The following CSTPP1 variants were observed in gnomAD, a reference collection of about 807,000 sequenced individuals.
The protein encoded by CSTPP1 is UPF0705 protein C11orf49.
At chr11:46,967,257 C>A in the CSTPP1 span, among the ~76,000 whole-genome samples, 2 of 152,070 alleles carry the variant, frequency 1.3e-5, no homozygotes, top group African/African-American at 4.8e-5. Context: ...AGGAAAGGTT[C>A]ATTTTTTTGT....
the CSTPP1 span, among the ~76,000 whole-genome samples, chr11:47,102,180 A>C: frequency 6.6e-6 from 1 of 152,214 alleles, no homozygotes; most frequent in Non-Finnish European, 1.5e-5. Flanking sequence ...TCTACTGCCA[A>C]AAAGTAAGCC....
At chr11:47,073,602 T>A in the CSTPP1 span, among the ~76,000 whole-genome samples, 1 of 151,524 alleles carries the variant, frequency 6.6e-6, no homozygotes, top group South Asian at 2.1e-4. Flanking sequence ...TGGACAAAAA[T>A]TGAATAGGAG....
At chr11:47,094,684 G>C in the CSTPP1 span, among the ~76,000 whole-genome samples, 4 of 152,152 alleles carry the variant, frequency 2.6e-5, no homozygotes, top group African/African-American at 7.2e-5. Flanking sequence ...CAGTTATTTA[G>C]TCACATTAGT....
chr11:47,155,334 T>A, the CSTPP1 span: 1 of 1,307,042 alleles, frequency 7.7e-7, no homozygotes, highest in Non-Finnish European at 1.1e-6. Context: ...GCCCTGCCCA[T>A]CTGTGTGCCT....
chr11:46,998,688 A>G, the CSTPP1 span, among the ~76,000 whole-genome samples: 1 of 152,176 alleles, frequency 6.6e-6, no homozygotes, highest in East Asian at 1.9e-4. Flanking sequence ...TGTGAATTTG[A>G]TTTAGTTAGT....
At chr11:46,965,678 C>A in the CSTPP1 span, among the ~76,000 whole-genome samples, 1 of 152,120 alleles carries the variant, frequency 6.6e-6, no homozygotes, top group African/African-American at 2.4e-5. Context: ...CAGACTGTTA[C>A]AAAATGTTGC....
the CSTPP1 span, among the ~76,000 whole-genome samples, chr11:47,047,029 A>C: frequency 3.3e-5 from 5 of 150,842 alleles, no homozygotes; most frequent in Non-Finnish European, 5.9e-5. Context: ...GCCTCCAGAA[A>C]AGCTGGGATT....
chr11:47,070,882 A>G, the CSTPP1 span, among the ~76,000 whole-genome samples: 2 of 152,178 alleles, frequency 1.3e-5, no homozygotes, highest in South Asian at 4.1e-4. Context: ...CTTTCCAACC[A>G]CTACTCTCCT....
the CSTPP1 span, among the ~76,000 whole-genome samples, chr11:47,131,594 A>G: frequency 1.3e-5 from 2 of 152,332 alleles, no homozygotes; most frequent in South Asian, 4.1e-4. Context: ...GCTTATCTTG[A>G]AAGCAGTAGT....
chr11:47,116,857 A>G, the CSTPP1 span, among the ~76,000 whole-genome samples: 118 of 151,528 alleles, frequency 7.8e-4, no homozygotes, highest in Non-Finnish European at 1.3e-3. Flanking sequence ...TTTTCTTTGT[A>G]TTTTTAGTAG....
At chr11:46,976,396 C>T in the CSTPP1 span, among the ~76,000 whole-genome samples, 317 of 11,630 alleles carry the variant, frequency 0.027, no homozygotes, top group African/African-American at 0.14. Flanking sequence ...GTTTCAGTCA[C>T]ACACACACAC....
At chr11:47,051,691 C>CTTTTTTT in the CSTPP1 span, among the ~76,000 whole-genome samples, 9 of 133,020 alleles carry the variant, frequency 6.8e-5, no homozygotes, top group Non-Finnish European at 1.1e-4. Flanking sequence ...TATCTTTTTT[C>CTTTTTTT]TTTTTTTTTT....
chr11:47,117,185 C>A, the CSTPP1 span, among the ~76,000 whole-genome samples: 2 of 152,102 alleles, frequency 1.3e-5, no homozygotes, highest in African/African-American at 4.8e-5. Flanking sequence ...TTAAGATGTT[C>A]GCTGGTTATT....
At chr11:47,111,190 C>T in the CSTPP1 span, among the ~76,000 whole-genome samples, 2 of 152,132 alleles carry the variant, frequency 1.3e-5, no homozygotes, top group African/African-American at 4.8e-5. Flanking sequence ...GCACTCATCT[C>T]CTCAAGAGTC....
At chr11:46,997,574 G>T in the CSTPP1 span, among the ~76,000 whole-genome samples, 3 of 152,160 alleles carry the variant, frequency 2.0e-5, no homozygotes, top group Non-Finnish European at 2.9e-5. Context: ...CGTCAAAGTC[G>T]TTCTCCGTCC....
the CSTPP1 span, among the ~76,000 whole-genome samples, chr11:47,046,672 T>TC: frequency 7.7e-6 from 1 of 130,710 alleles, no homozygotes; most frequent in Admixed American, 7.6e-5. Context: ...TTTTTTTTTT[T>TC]TTTTTTTTTT....
chr11:46,955,666 A>G, the CSTPP1 span, among the ~76,000 whole-genome samples: 1 of 151,876 alleles, frequency 6.6e-6, no homozygotes, highest in African/African-American at 2.4e-5. Flanking sequence ...CCCAGGCTAC[A>G]GCAGTGTCTT....
chr11:47,145,328 G>A, the CSTPP1 span, among the ~76,000 whole-genome samples: 633 of 152,154 alleles, frequency 4.2e-3, 2 homozygotes, highest in African/African-American at 0.014. Context: ...GGTGGCACAC[G>A]CCTGTAATCC....
the CSTPP1 span, among the ~76,000 whole-genome samples, chr11:46,975,019 A>G: frequency 7.2e-6 from 1 of 138,312 alleles, no homozygotes; most frequent in African/African-American, 2.5e-5. Context: ...GCAGTGGCTC[A>G]CACCTGTAAT....
Sources: gnomAD v4.1 joint callset for allele counts (sites outside exome capture counted in the v4.1 genomes callset) on GRCh38, gnomAD v4.1.1 for gene constraint, MANE v1.5 for transcripts, NCBI Gene and HGNC (gene_info 2026-07-23, HGNC 2026-07-21) for gene names.